Variants in MARCHF4 observed in about 807,000 individuals in gnomAD.
MARCHF4 encodes E3 ubiquitin-protein ligase MARCHF4.
In MARCHF4, 14 loss-of-function variants were observed where a neutral mutation model predicts 43.9. That is an observed-to-expected ratio of 0.32 (90% CI 0.21 to 0.50). The LOEUF (loss-of-function observed/expected upper bound fraction) is 0.50. Among genes scored for constraint, MARCHF4 ranks in the 20% least tolerant of loss-of-function variants. MARCHF4 has a pLI of 0.98. For missense variants in MARCHF4, 468 were observed against 536.7 expected (o/e 0.87, Z 1.27); for synonymous variants, 226 against 213.3 (o/e 1.06, Z -0.52).
intron 1 of MARCHF4, among the ~76,000 whole-genome samples, chr2:216,365,885 G>T (rs1405668152): frequency 6.6e-6 from 1 of 152,162 alleles, no homozygotes; most frequent in African/African-American, 2.4e-5. Context: ...TCTGGACCTT[G>T]TCCAGCAGAA....
Position 216,259,498 on chromosome 2 carries a change from C to T in MARCHF4, c.1047G>A (p.Glu349=), listed in dbSNP as rs1232872286. 3 of 1,614,192 alleles carry T rather than the reference C, an allele frequency of 1.9e-6. No individual in the cohort carries two copies. The highest frequency in any genetic ancestry group is 3.3e-5 in the Admixed American group (2 of 60,030). ...STQANIPSSE[E]ETAGTPAPEQ... The stretch of plus-strand genomic sequence containing the variant: ...CAGGGGCAGGGGTGCCTGCGGTCTC[C>T]TCTTCCGAGGAGGGGATATTGGCCT... Residue 349 remains glutamate, a synonymous_variant, in exon 4 of 4, where the codon GAG becomes GAA. Coordinates refer to ENST00000273067, the MANE Select transcript of MARCHF4 (RefSeq NM_020814.3).
intron 1 of MARCHF4, among the ~76,000 whole-genome samples, chr2:216,354,922 T>TCTTTCTTC (rs1692466336): frequency 8.5e-6 from 1 of 118,300 alleles, no homozygotes; most frequent in East Asian, 2.5e-4. Flanking sequence ...TTTCTTTCTT[T>TCTTTCTTC]CTTTCTTTCT....
At chr2:216,340,258 G>A (rs921989391) in intron 1 of MARCHF4, among the ~76,000 whole-genome samples, 3 of 152,192 alleles carry the variant, frequency 2.0e-5, no homozygotes, top group African/African-American at 7.2e-5. Context: ...GAGGGACCTC[G>A]GAGTGGGCTG....
intron 1 of MARCHF4, among the ~76,000 whole-genome samples, chr2:216,329,288 G>A (rs1692047532): frequency 6.6e-6 from 1 of 152,170 alleles, no homozygotes; most frequent in Admixed American, 6.5e-5. Context: ...GGCGGAGGCA[G>A]GAGAATGGCG....
rs752076899 is a variant in MARCHF4 at position 216,370,003 on chromosome 2, C to A, written c.258G>T (p.Gly86=). 3.9e-6 allele frequency: 6 copies of A among 1,535,808 alleles called. No homozygotes were observed. The highest frequency in any genetic ancestry group is 5.3e-6 in the Non-Finnish European group (6 of 1,136,346). ...NNTLPALGAG[G]WAGWRGPREV... is the part of the protein sequence containing the mutation. ...CTCGGGGGCCCCTCCAGCCTGCCCACCCCCCGGCGCCCAGAGCCGGAAGGG... is the reference window on the plus strand; with the variant it reads ...CTCGGGGGCCCCTCCAGCCTGCCCAACCCCCGGCGCCCAGAGCCGGAAGGG... Residue 86 remains glycine, a synonymous_variant, in exon 1 of 4, where the codon GGG becomes GGT. Coordinates refer to ENST00000273067, the MANE Select transcript of MARCHF4 (RefSeq NM_020814.3).
chr2:216,358,588 A>C (rs1370713805), intron 1 of MARCHF4, among the ~76,000 whole-genome samples: 3 of 152,140 alleles, frequency 2.0e-5, no homozygotes, highest in African/African-American at 7.2e-5. Context: ...AGCAAATAAG[A>C]ACAATCACTA....
At chr2:216,295,313 T>A (rs916111186) in intron 1 of MARCHF4, among the ~76,000 whole-genome samples, 2 of 152,152 alleles carry the variant, frequency 1.3e-5, no homozygotes, top group African/African-American at 4.8e-5. Flanking sequence ...CAGGCTGGAG[T>A]GTAGTGGCGT....
intron 1 of MARCHF4, among the ~76,000 whole-genome samples, chr2:216,361,718 C>CTGTCATG: frequency 6.6e-6 from 1 of 152,188 alleles, no homozygotes; most frequent in South Asian, 2.1e-4. Context: ...ACATGTATCC[C>CTGTCATG]TGATTGTCAG....
intron 3 of MARCHF4, among the ~76,000 whole-genome samples, chr2:216,262,816 G>A (rs892077182): frequency 2.0e-5 from 3 of 152,080 alleles, no homozygotes; most frequent in Non-Finnish European, 4.4e-5. Context: ...TAGCTACTAT[G>A]TCTTTTAAAT....
At chr2:216,353,690 G>A (rs928841893) in intron 1 of MARCHF4, among the ~76,000 whole-genome samples, 1 of 152,190 alleles carries the variant, frequency 6.6e-6, no homozygotes, top group African/African-American at 2.4e-5. Flanking sequence ...TGGGATTACA[G>A]GTGCCTGCCA....
chr2:216,352,239 G>A (rs1236475429), intron 1 of MARCHF4, among the ~76,000 whole-genome samples: 2 of 152,196 alleles, frequency 1.3e-5, no homozygotes, highest in African/African-American at 4.8e-5. Flanking sequence ...CACCCCAAAT[G>A]GAGGTACTCC....
chr2:216,329,617 A>C (rs1166172390), intron 1 of MARCHF4, among the ~76,000 whole-genome samples: 1 of 133,544 alleles, frequency 7.5e-6, no homozygotes, highest in Non-Finnish European at 1.6e-5. Context: ...GACATAAAAC[A>C]GGTAGGACAA....
At chr2:216,367,983 G>A (rs898374876) in intron 1 of MARCHF4, among the ~76,000 whole-genome samples, 2 of 152,126 alleles carry the variant, frequency 1.3e-5, no homozygotes, top group African/African-American at 4.8e-5. Flanking sequence ...CACGTAAGTT[G>A]GAAAAGCAGC....
chr2:216,295,416 C>T (rs890895159), intron 1 of MARCHF4, among the ~76,000 whole-genome samples: 1 of 152,206 alleles, frequency 6.6e-6, no homozygotes, highest in Non-Finnish European at 1.5e-5. Flanking sequence ...CCTGCACCAC[C>T]GTGCCCTAAT....
intron 1 of MARCHF4, among the ~76,000 whole-genome samples, chr2:216,349,663 A>T (rs1279109973): frequency 1.3e-5 from 2 of 152,050 alleles, no homozygotes; most frequent in Middle Eastern, 3.2e-3. Flanking sequence ...CTCAGGGGGG[A>T]AGAATGCCTT....
chr2:216,281,873 A>G (rs375364066), intron 2 of MARCHF4, among the ~76,000 whole-genome samples: 25 of 152,274 alleles, frequency 1.6e-4, no homozygotes, highest in African/African-American at 5.3e-4. Flanking sequence ...CCACTTGCTT[A>G]CCTGACTTGG....
At chr2:216,364,661 A>C (rs1268579249) in intron 1 of MARCHF4, among the ~76,000 whole-genome samples, 1 of 152,224 alleles carries the variant, frequency 6.6e-6, no homozygotes, top group Non-Finnish European at 1.5e-5. Context: ...GGATTGGGGC[A>C]AGGCACCACT....
chr2:216,340,014 G>C (rs913267755), intron 1 of MARCHF4, among the ~76,000 whole-genome samples: 1 of 151,874 alleles, frequency 6.6e-6, no homozygotes, highest in Non-Finnish European at 1.5e-5. Flanking sequence ...TTTCCCTCAA[G>C]TCCCTGGGTT....
At chr2:216,338,026 C>T (rs896188495) in intron 1 of MARCHF4, among the ~76,000 whole-genome samples, 2 of 152,156 alleles carry the variant, frequency 1.3e-5, no homozygotes, top group Non-Finnish European at 2.9e-5. Flanking sequence ...CAGAGGTCAG[C>T]AGTGACTTCT....
Sources: gnomAD v4.1 joint callset for allele counts (sites outside exome capture counted in the v4.1 genomes callset) on GRCh38, gnomAD v4.1.1 for gene constraint, MANE v1.5 for transcripts, NCBI Gene and HGNC (gene_info 2026-07-23, HGNC 2026-07-21) for gene names.